Variants in KCNIP4 observed in about 807,000 individuals in gnomAD.
KCNIP4 encodes the protein Kv channel-interacting protein 4.
Under a neutral mutation model 34.0 loss-of-function variants are expected in KCNIP4, and 12 were observed. The ratio of observed to expected loss-of-function variants is 0.35; its 90% CI spans 0.23 to 0.57. The LOEUF is 0.57. Among genes scored for constraint, KCNIP4 ranks in the 20% least tolerant of loss-of-function variants. KCNIP4 has a pLI of 0.83. For missense variants in KCNIP4, 238 were observed against 311.7 expected, an observed-to-expected ratio of 0.76 and a Z score of 1.78; for synonymous variants, 124 against 102.2, an observed-to-expected ratio of 1.21 and a Z score of -1.29.
intron 3 of KCNIP4, among the ~76,000 whole-genome samples, chr4:20,806,861 A>G (rs1232540321): frequency 2.0e-5 from 3 of 152,150 alleles, no homozygotes; most frequent in African/African-American, 7.2e-5. Context: ...GGATTCTGCA[A>G]TGTTTACCCA....
At chr4:21,816,833 G>A (rs558971023) in intron 1 of KCNIP4, among the ~76,000 whole-genome samples, 3 of 152,210 alleles carry the variant, frequency 2.0e-5, no homozygotes, top group African/African-American at 7.2e-5. Flanking sequence ...TATTTCTTGG[G>A]TTCGGATCTT....
intron 3 of KCNIP4, among the ~76,000 whole-genome samples, chr4:20,772,960 A>G (rs1756047205): frequency 6.6e-6 from 1 of 151,946 alleles, no homozygotes; most frequent in Non-Finnish European, 1.5e-5. Flanking sequence ...TGCCATTCTG[A>G]GAAAATACTA....
At chr4:20,927,883 T>C (rs1319220935) in intron 1 of KCNIP4, among the ~76,000 whole-genome samples, 2 of 152,158 alleles carry the variant, frequency 1.3e-5, no homozygotes, top group African/African-American at 4.8e-5. Flanking sequence ...ACAGCATCTA[T>C]CCCACTATTT....
intron 3 of KCNIP4, among the ~76,000 whole-genome samples, chr4:20,798,524 T>TACACAC (rs552287842): frequency 3.2e-5 from 4 of 126,730 alleles, no homozygotes; most frequent in Admixed American, 3.0e-4. Flanking sequence ...GACACACACA[T>TACACAC]ACACACACAC....
intron 1 of KCNIP4, among the ~76,000 whole-genome samples, chr4:21,148,670 A>G (rs536838028): frequency 6.6e-6 from 1 of 151,860 alleles, no homozygotes; most frequent in East Asian, 1.9e-4. Flanking sequence ...CCAAATTCCA[A>G]CTGTGATACT....
In KCNIP4 at chr4:20,729,679, G is replaced by GATGTCACTATATTAGAAA. The variant is rs1747414863; in HGVS notation, c.*385_*402dup. On this transcript the variant is annotated 3_prime_UTR_variant, in exon 9 of 9. Coordinates refer to ENST00000382152, the MANE Select transcript of KCNIP4 (RefSeq NM_025221.6). ...ATTTAATTTCTGGAAATTAAATGCA[G>GATGTCACTATATTAGAAA]ATGTCACTATATTAGAAAACCATTC... 1 of 156,458 alleles carries GATGTCACTATATTAGAAA rather than the reference G, an allele frequency of 6.4e-6. No individual in the cohort carries two copies. Among genetic ancestry groups the GATGTCACTATATTAGAAA allele is most frequent in the African/African-American group, 2.4e-5 (1 of 41,518 alleles). 9.7% of individuals were successfully genotyped at this position (156,458 alleles called of 1,614,324 possible). A position where few individuals can be genotyped will look rare whatever the true frequency, so the allele number is the denominator to read the frequency against.
chr4:21,246,640 C>T (rs184709166), intron 1 of KCNIP4, among the ~76,000 whole-genome samples: 1 of 152,086 alleles, frequency 6.6e-6, no homozygotes, highest in Admixed American at 6.6e-5. Context: ...ACTATGTTAG[C>T]CTTAGAGATT....
chr4:21,519,549 T>A (rs1311702152), intron 1 of KCNIP4, among the ~76,000 whole-genome samples: 10 of 35,148 alleles, frequency 2.8e-4, no homozygotes, highest in Admixed American at 9.5e-4. Flanking sequence ...TATATACACA[T>A]ATGTGTGTAT....
At chr4:21,733,202 A>C (rs1260498740) in intron 1 of KCNIP4, among the ~76,000 whole-genome samples, 3 of 152,116 alleles carry the variant, frequency 2.0e-5, no homozygotes, top group Admixed American at 2.0e-4. Flanking sequence ...CCCTGTTGTA[A>C]TTAATAATCC....
At chr4:21,131,343 C>T (rs185686162) in intron 1 of KCNIP4, among the ~76,000 whole-genome samples, 1 of 152,164 alleles carries the variant, frequency 6.6e-6, no homozygotes, top group Admixed American at 6.5e-5. Flanking sequence ...AGAACTAAAA[C>T]CAAAAAAGCA....
intron 1 of KCNIP4, among the ~76,000 whole-genome samples, chr4:21,272,875 A>G: frequency 6.6e-6 from 1 of 152,284 alleles, no homozygotes; most frequent in African/African-American, 2.4e-5. Context: ...GTCAATTGTC[A>G]ATTATCTACA....
intron 1 of KCNIP4, among the ~76,000 whole-genome samples, chr4:21,573,094 A>G (rs1740480578): frequency 6.6e-6 from 1 of 152,146 alleles, no homozygotes; most frequent in Non-Finnish European, 1.5e-5. Context: ...GCATGTTATT[A>G]TTATCACCAC....
At chr4:21,117,314 G>GAT (rs1749777772) in intron 1 of KCNIP4, among the ~76,000 whole-genome samples, 2 of 127,770 alleles carry the variant, frequency 1.6e-5, no homozygotes, top group African/African-American at 5.5e-5. Flanking sequence ...GGGGGGGGGG[G>GAT]GGGGGCGCTG....
intron 1 of KCNIP4, among the ~76,000 whole-genome samples, chr4:21,106,295 A>G (rs150533536): frequency 6.6e-6 from 1 of 151,706 alleles, no homozygotes; most frequent in African/African-American, 2.4e-5. Flanking sequence ...CTATTCAGAG[A>G]TTCAGCCTCT....
intron 1 of KCNIP4, among the ~76,000 whole-genome samples, chr4:21,614,487 A>G (rs1219589108): frequency 6.7e-6 from 1 of 148,424 alleles, no homozygotes; most frequent in Non-Finnish European, 1.5e-5. Context: ...TATATATATA[A>G]GTATTTATAT....
At chr4:21,121,360 G>C (rs1750141472) in intron 1 of KCNIP4, among the ~76,000 whole-genome samples, 1 of 152,144 alleles carries the variant, frequency 6.6e-6, no homozygotes, top group African/African-American at 2.4e-5. Flanking sequence ...TGGTTGATGG[G>C]CCATTATGAT....
chr4:21,520,934 A>C (rs1735467964), intron 1 of KCNIP4, among the ~76,000 whole-genome samples: 1 of 152,160 alleles, frequency 6.6e-6, no homozygotes. Flanking sequence ...ATTATCTTTT[A>C]ATTAAATTGC....
chr4:21,408,066 A>C (rs1724154707), intron 1 of KCNIP4, among the ~76,000 whole-genome samples: 5 of 152,238 alleles, frequency 3.3e-5, no homozygotes, highest in Admixed American at 3.3e-4. Flanking sequence ...GCTCTATAGA[A>C]TCAGAAAACC....
intron 1 of KCNIP4, among the ~76,000 whole-genome samples, chr4:21,036,519 A>G (rs78629397): frequency 0.1 from 15,492 of 152,296 alleles, 839 homozygotes; most frequent in South Asian, 0.16. Flanking sequence ...TATATCAAGC[A>G]TAAAGAGTAC....
Sources: gnomAD v4.1 joint callset for allele counts (sites outside exome capture counted in the v4.1 genomes callset) on GRCh38, gnomAD v4.1.1 for gene constraint, MANE v1.5 for transcripts, NCBI Gene and HGNC (gene_info 2026-07-23, HGNC 2026-07-21) for gene names.